The following CACNA1B variants were observed in gnomAD, a reference collection of about 807,000 sequenced individuals.
CACNA1B encodes the protein calcium voltage-gated channel subunit alpha1 B.
In CACNA1B, 70 loss-of-function variants were observed where a neutral mutation model predicts 247.2. The observed-to-expected ratio is 0.28, with a 90% CI of 0.23 to 0.35. CACNA1B has a LOEUF of 0.35. Among genes scored for constraint, CACNA1B ranks in the 10% least tolerant of loss-of-function variants. The probability of loss-of-function intolerance (pLI) is 1.00; values close to 1 mark genes in which losing one functional copy is unlikely to be tolerated. For missense variants in CACNA1B, 2,367 were observed against 3,197.4 expected (o/e 0.74, Z 6.26); for synonymous variants, 1,231 against 1,294.4 (o/e 0.95, Z 1.05).
intron 26 of CACNA1B, among the ~76,000 whole-genome samples, chr9:138,056,115 G>C (rs569657047): frequency 1.3e-5 from 2 of 152,156 alleles, no homozygotes; most frequent in South Asian, 4.1e-4. Context: ...TCCACTTACA[G>C]TGTGCAATTA....
At chr9:138,101,927 C>G (rs966795002) in intron 37 of CACNA1B, among the ~76,000 whole-genome samples, 1 of 152,182 alleles carries the variant, frequency 6.6e-6, no homozygotes, top group Non-Finnish European at 1.5e-5. Flanking sequence ...ACTCTGTCAT[C>G]GGAGCCTTTA....
At chr9:138,114,069 TG>T (rs1961767639) in intron 40 of CACNA1B, among the ~76,000 whole-genome samples, 1 of 152,136 alleles carries the variant, frequency 6.6e-6, no homozygotes, top group Non-Finnish European at 1.5e-5. Flanking sequence ...TCTTGCTTTC[TG>T]GGGAGGAGAC....
chr9:138,113,351 T>TC lies in CACNA1B; in HGVS notation c.5536+848dup, dbSNP rs75517366. ...GAGGGAGCACGAGGAGGTGCCCAAC[T>TC]CCAACTTGTGAGAGACGTGAGGGAG... On this transcript the variant is annotated intron_variant, in intron 40 of 46. Transcript: ENST00000371372. Among the ~76,000 whole-genome samples, 86 of 143,096 alleles carry TC rather than the reference T, an allele frequency of 6.0e-4. 2 individuals carry two copies. In the East Asian group the frequency reaches 0.017, roughly 28 times the overall value. 93.9% of individuals were successfully genotyped at this position (143,096 alleles called of 152,430 possible). A position where few individuals can be genotyped will look rare whatever the true frequency, so the allele number is the denominator to read the frequency against.
intron 45 of CACNA1B, 82 bp from the exon 46 acceptor site, chr9:138,120,549 T>G: frequency 7.0e-7 from 1 of 1,435,394 alleles, no homozygotes; most frequent in Non-Finnish European, 9.2e-7. Flanking sequence ...TGGCACCACC[T>G]GAATTCTGTC....
Position 138,100,846 on chromosome 9 carries a change from C to T in CACNA1B, c.5223-1865C>T, listed in dbSNP as rs574783050. On this transcript the variant is annotated intron_variant, in intron 37 of 46. Transcript: ENST00000371372. The surrounding 1 kb of genome is among the most constrained non-coding windows in gnomAD (Gnocchi z 4.6). ...TCAGGGAGTGAGAGGAAGAGCTGAC[C>T]GAGAGGGAGGGGCAGGGCAGTGTTC... 6.0e-4 allele frequency among the ~76,000 whole-genome samples: 92 copies of T among 152,198 alleles called. 1 individual carries two copies. The highest frequency in any genetic ancestry group is 2.1e-3 in the African/African-American group (88 of 41,540).
chr9:138,101,668 T>C (rs1210018880), intron 37 of CACNA1B, among the ~76,000 whole-genome samples: 2 of 151,980 alleles, frequency 1.3e-5, no homozygotes, highest in African/African-American at 4.8e-5. Context: ...AGAGGCAGAG[T>C]GGGGGCCAAA....
intron 15 of CACNA1B, among the ~76,000 whole-genome samples, chr9:137,987,510 A>G (rs982254317): frequency 6.6e-6 from 1 of 152,180 alleles, no homozygotes; most frequent in Non-Finnish European, 1.5e-5. Flanking sequence ...CTTGGATGCC[A>G]TGTCTGAGAC....
intron 15 of CACNA1B, among the ~76,000 whole-genome samples, chr9:138,000,312 A>G (rs62591437): frequency 2.7e-4 from 41 of 152,056 alleles, no homozygotes; most frequent in South Asian, 6.2e-4. Flanking sequence ...GTTAGCCAGG[A>G]TGGTCTCGAT....
intron 3 of CACNA1B, among the ~76,000 whole-genome samples, chr9:137,900,160 C>T (rs551377080): frequency 1.2e-4 from 18 of 152,280 alleles, no homozygotes; most frequent in South Asian, 2.1e-4. Flanking sequence ...TCCTCACAGA[C>T]GGCTGTGGAA....
rs534781228 is a variant in CACNA1B at position 138,099,292 on chromosome 9, C to T, written c.5222+2681C>T. 5.3e-5 allele frequency among the ~76,000 whole-genome samples: 8 copies of T among 152,268 alleles called. No homozygotes were observed. The South Asian group carries it at 1.0e-3, about 20-fold the overall frequency. On this transcript the variant is annotated intron_variant, in intron 37 of 46. Coordinates refer to ENST00000371372, the MANE Select transcript of CACNA1B (RefSeq NM_000718.4). Reference sequence around the variant, plus strand: ...CACATGTGCATGCACAAGGCGCGCACGTGTGTGCATGTTGACGTTTGTGTG... The same window carrying T: ...CACATGTGCATGCACAAGGCGCGCATGTGTGTGCATGTTGACGTTTGTGTG...
intron 36 of CACNA1B, among the ~76,000 whole-genome samples, chr9:138,084,383 C>T (rs922387157): frequency 6.6e-6 from 1 of 151,192 alleles, no homozygotes; most frequent in Non-Finnish European, 1.5e-5. Context: ...TAACAGGACC[C>T]CAAAAGCCCT....
chr9:138,118,048 C>A lies in CACNA1B; in HGVS notation c.5880C>A (p.Ser1960=), dbSNP rs773150553. Reference sequence around the variant, plus strand: ...GGCCACCCCTGGAGCGTGGCCACTCCACAGAGATCCCTGTGGGGCGGTCAG... The same window carrying A: ...GGCCACCCCTGGAGCGTGGCCACTCAACAGAGATCCCTGTGGGGCGGTCAG... ...EARPPLERGH[S]TEIPVGRSGA... is the part of the protein sequence containing the mutation. The change falls in exon 43 of 47, where the codon TCC becomes TCA. Residue 1960 remains serine (S), a synonymous_variant. Coordinates refer to ENST00000371372, the MANE Select transcript of CACNA1B (RefSeq NM_000718.4). The A allele has an allele frequency of 2.5e-6, 4 of 1,593,458 alleles. No individual in the cohort carries two copies. In the African/African-American group the frequency reaches 4.1e-5, roughly 16 times the overall value.
At position 138,100,764 on chromosome 9, in the gene CACNA1B, A is replaced by G. The variant is rs1961224207; in HGVS notation, c.5223-1947A>G. ...GCAGACCTGCCTTGCTGTGGTGGTGAGAAAGCCAGGCGTCAGAGGGTTTGG... is the reference window on the plus strand; with the variant it reads ...GCAGACCTGCCTTGCTGTGGTGGTGGGAAAGCCAGGCGTCAGAGGGTTTGG... On this transcript the variant is annotated intron_variant, in intron 37 of 46. Transcript: ENST00000371372. The surrounding 1 kb of genome is among the most constrained non-coding windows in gnomAD (Gnocchi z 4.6). 6.6e-6 allele frequency among the ~76,000 whole-genome samples: 1 copy of G among 152,112 alleles called. No homozygotes were observed. Among genetic ancestry groups the G allele is most frequent in the South Asian group, 2.1e-4 (1 of 4,808 alleles).
At chr9:137,908,822 G>A (rs1313731968) in intron 3 of CACNA1B, among the ~76,000 whole-genome samples, 1 of 151,102 alleles carries the variant, frequency 6.6e-6, no homozygotes, top group Non-Finnish European at 1.5e-5. Flanking sequence ...TAGTACAGTC[G>A]GGGTTTCACC....
chr9:137,899,729 G>A lies in CACNA1B; in HGVS notation c.531-13451G>A, dbSNP rs1259521395. On this transcript the variant is annotated intron_variant, in intron 3 of 46. Coordinates refer to ENST00000371372, the MANE Select transcript of CACNA1B (RefSeq NM_000718.4). The surrounding 1 kb of genome is among the most constrained non-coding windows in gnomAD (Gnocchi z 5.0). ...CAGTGACAAAGCAGATCCTGGAGAT[G>A]GTGCCTCCCCTGCCAGCTTGGCTCC... 6.6e-6 allele frequency among the ~76,000 whole-genome samples: 1 copy of A among 152,210 alleles called. No individual in the cohort carries two copies. The highest frequency in any genetic ancestry group is 1.5e-5 in the Non-Finnish European group (1 of 68,024).
At chr9:137,930,464 G>C (rs913836295) in intron 6 of CACNA1B, among the ~76,000 whole-genome samples, 5 of 152,176 alleles carry the variant, frequency 3.3e-5, no homozygotes, top group Non-Finnish European at 7.3e-5. Flanking sequence ...ACACTAAACT[G>C]AAAGAATTTT....
Position 137,952,446 on chromosome 9 carries a change from G to A in CACNA1B, c.1070+69G>A, listed in dbSNP as rs1589029109. 4.6e-6 allele frequency: 6 copies of A among 1,304,138 alleles called. No individual in the cohort carries two copies. Among genetic ancestry groups the A allele is most frequent in the East Asian group, 2.3e-5 (1 of 43,318 alleles). The allele number at this position is 1,304,138 out of a possible 1,614,324, so 80.8% of individuals were successfully genotyped here. A position where few individuals can be genotyped will look rare whatever the true frequency, so the allele number is the denominator to read the frequency against. On this transcript the variant is annotated intron_variant, in intron 7 of 46. Coordinates refer to ENST00000371372, the MANE Select transcript of CACNA1B (RefSeq NM_000718.4). This position sits in a 1 kb window ranked among gnomAD's most constrained non-coding sequence, Gnocchi z 4.8. ...TCAGCTGAGGGGTCAACAGGGGCAC[G>A]TGTGACACTTGGGGTGGGGGCCTGG...
chr9:137,930,846 G>A (rs889559004), intron 6 of CACNA1B, among the ~76,000 whole-genome samples: 1 of 151,574 alleles, frequency 6.6e-6, no homozygotes, highest in African/African-American at 2.4e-5. Context: ...ATGTTTCCCT[G>A]TGTCTCGGGT....
intron 3 of CACNA1B, chr9:137,892,471 T>A: frequency 2.5e-6 from 1 of 402,648 alleles, no homozygotes; most frequent in South Asian, 1.8e-5. Context: ...TGGTTTGATG[T>A]CTGCAGAATC....
Sources: gnomAD v4.1 joint callset for allele counts (sites outside exome capture counted in the v4.1 genomes callset) on GRCh38, gnomAD v4.1.1 for gene constraint, Gnocchi (gnomAD v3.1) non-coding constraint, MANE v1.5 for transcripts, NCBI Gene and HGNC (gene_info 2026-07-23, HGNC 2026-07-21) for gene names.